The following KLHL20 variants were observed in gnomAD, a reference collection of about 807,000 sequenced individuals.
The protein encoded by KLHL20 is kelch-like protein 20.
KLHL20 carries 29 observed loss-of-function variants against 69.5 expected under a neutral mutation model. The observed-to-expected ratio is 0.42, with a 90% CI of 0.31 to 0.57. The LOEUF (loss-of-function observed/expected upper bound fraction) is 0.57. KLHL20 is among the 20% of genes least tolerant of loss of function. The probability of loss-of-function intolerance (pLI) is 0.18; values close to 1 mark genes in which losing one functional copy is unlikely to be tolerated. For synonymous variants in KLHL20, 253 were observed against 265.2 expected, an observed-to-expected ratio of 0.95 and a Z score of 0.45; for missense variants, 419 against 776.0, an observed-to-expected ratio of 0.54 and a Z score of 5.47.
chr1:173,745,997 A>G (rs559439738), intron 3 of KLHL20, among the ~76,000 whole-genome samples: 1 of 152,142 alleles, frequency 6.6e-6, no homozygotes, highest in Non-Finnish European at 1.5e-5. Context: ...AACAATTCCT[A>G]TTCTCTTGAA....
At chr1:173,749,564 A>T (rs1021241629) in intron 3 of KLHL20, among the ~76,000 whole-genome samples, 1 of 152,214 alleles carries the variant, frequency 6.6e-6, no homozygotes, top group African/African-American at 2.4e-5. Context: ...AAGGAGAGGT[A>T]GCATTTTAGC....
intron 5 of KLHL20, among the ~76,000 whole-genome samples, chr1:173,755,097 T>C (rs1673485932): frequency 6.6e-6 from 1 of 150,812 alleles, no homozygotes; most frequent in South Asian, 2.1e-4. Context: ...TCTCGCTCTG[T>C]TGCCAGGCTG....
chr1:173,741,285 C>G (rs1338421516), intron 3 of KLHL20, among the ~76,000 whole-genome samples: 3 of 152,178 alleles, frequency 2.0e-5, no homozygotes, highest in African/African-American at 7.2e-5. Flanking sequence ...ACACACTGTT[C>G]TGTCTGTCCA....
At chr1:173,720,564 G>A (rs1423655769) in intron 2 of KLHL20, among the ~76,000 whole-genome samples, 1 of 152,204 alleles carries the variant, frequency 6.6e-6, no homozygotes, top group Non-Finnish European at 1.5e-5. Flanking sequence ...GCACATAGGG[G>A]ATGGATTGGA....
intron 3 of KLHL20, among the ~76,000 whole-genome samples, chr1:173,740,426 C>T (rs1399309695): frequency 1.3e-5 from 2 of 151,904 alleles, no homozygotes; most frequent in Non-Finnish European, 2.9e-5. Flanking sequence ...TTCTTTTCTT[C>T]TGCTGGGTTT....
At chr1:173,723,152 A>G (rs1010803022) in intron 2 of KLHL20, among the ~76,000 whole-genome samples, 2 of 152,220 alleles carry the variant, frequency 1.3e-5, no homozygotes, top group Admixed American at 1.3e-4. Context: ...CAGTGTCAGT[A>G]TTCCAGGAAT....
At chr1:173,722,034 T>G (rs1671739722) in intron 2 of KLHL20, among the ~76,000 whole-genome samples, 1 of 152,186 alleles carries the variant, frequency 6.6e-6, no homozygotes. Flanking sequence ...TGGTAATTTA[T>G]AAAGAAAAGA....
At chr1:173,731,243 A>T (rs1286405675) in intron 2 of KLHL20, among the ~76,000 whole-genome samples, 1 of 152,238 alleles carries the variant, frequency 6.6e-6, no homozygotes, top group Non-Finnish European at 1.5e-5. Context: ...ATGTGGAGAA[A>T]TAGAAACACT....
At chr1:173,734,662 A>G (rs1672442141) in intron 3 of KLHL20, 1 of 211,160 alleles carries the variant, frequency 4.7e-6, no homozygotes, top group African/African-American at 2.4e-5. Flanking sequence ...AATAAATTAT[A>G]GATTATAGGT....
intron 7 of KLHL20, among the ~76,000 whole-genome samples, chr1:173,762,129 G>T (rs1647344694): frequency 6.6e-6 from 1 of 151,996 alleles, no homozygotes; most frequent in Non-Finnish European, 1.5e-5. Flanking sequence ...TAGAAGAGAT[G>T]AATAAATTAC....
intron 11 of KLHL20, among the ~76,000 whole-genome samples, chr1:173,783,866 CAA>C (rs112477998): frequency 3.9e-5 from 5 of 127,216 alleles, no homozygotes; most frequent in Admixed American, 8.1e-5. Flanking sequence ...GACTCCGTCT[CAA>C]AAAAAAAAAA....
At chr1:173,718,564 C>T (rs1671566094) in intron 2 of KLHL20, among the ~76,000 whole-genome samples, 1 of 149,026 alleles carries the variant, frequency 6.7e-6, no homozygotes, top group Non-Finnish European at 1.5e-5. Flanking sequence ...AAAAAAAAGA[C>T]ACAAATGTTG....
In KLHL20 at chr1:173,785,466, G is replaced by GT. The variant is rs1649148949; in HGVS notation, c.*225dup. Reference sequence around the variant, plus strand: ...TTATTTTTGGTTTTAATTTATCATGGTTTTTTGTTGTTTTCGTTTTGAACT... The same window carrying GT: ...TTATTTTTGGTTTTAATTTATCATGGTTTTTTTGTTGTTTTCGTTTTGAACT... On this transcript the variant is annotated 3_prime_UTR_variant, in exon 12 of 12. Coordinates refer to ENST00000209884, the MANE Select transcript of KLHL20 (RefSeq NM_014458.4). 1.5e-5 allele frequency: 4 copies of GT among 270,916 alleles called. No homozygotes were observed. Among genetic ancestry groups the GT allele is most frequent in the Non-Finnish European group, 6.9e-6 (1 of 144,860 alleles). 16.8% of individuals were successfully genotyped at this position (270,916 alleles called of 1,614,324 possible).
chr1:173,743,350 C>T (rs982104127), intron 3 of KLHL20, among the ~76,000 whole-genome samples: 1 of 151,846 alleles, frequency 6.6e-6, no homozygotes, highest in Non-Finnish European at 1.5e-5. Flanking sequence ...AACATTTTGC[C>T]TCATTTACCT....
chr1:173,728,351 A>C (rs1360878332), intron 2 of KLHL20, among the ~76,000 whole-genome samples: 2 of 152,208 alleles, frequency 1.3e-5, no homozygotes, highest in African/African-American at 4.8e-5. Context: ...GAAAGTTAAC[A>C]AGGATATCCA....
chr1:173,782,560 T>C (rs1242257158), intron 11 of KLHL20, among the ~76,000 whole-genome samples: 1 of 151,942 alleles, frequency 6.6e-6, no homozygotes, highest in Non-Finnish European at 1.5e-5. Flanking sequence ...GTGACAGAGT[T>C]AGAATTAGAA....
chr1:173,758,137 G>A (rs527804083), intron 7 of KLHL20, among the ~76,000 whole-genome samples: 14 of 152,048 alleles, frequency 9.2e-5, no homozygotes, highest in Non-Finnish European at 2.1e-4. Context: ...AGTTGTAGTG[G>A]TGCACGCCTG....
intron 3 of KLHL20, among the ~76,000 whole-genome samples, chr1:173,747,559 G>T (rs1673119694): frequency 6.6e-6 from 1 of 151,876 alleles, no homozygotes; most frequent in South Asian, 2.1e-4. Context: ...TAATTTTCTT[G>T]AATTAGTGTG....
At chr1:173,733,021 C>CT (rs746523298) in intron 2 of KLHL20, among the ~76,000 whole-genome samples, 13,653 of 125,730 alleles carry the variant, frequency 0.11, 1,080 homozygotes, top group East Asian at 0.19. Context: ...TCAATCCAGA[C>CT]TTTTTTTTTT....
Sources: gnomAD v4.1 joint callset for allele counts (sites outside exome capture counted in the v4.1 genomes callset) on GRCh38, gnomAD v4.1.1 for gene constraint, MANE v1.5 for transcripts, NCBI Gene and HGNC (gene_info 2026-07-23, HGNC 2026-07-21) for gene names.